SGCD: variants seen among roughly 807,000 people sequenced by gnomAD.
SGCD encodes delta-sarcoglycan.
Under a neutral mutation model 36.6 loss-of-function variants are expected in SGCD, and 18 were observed. That is an observed-to-expected ratio of 0.49 (90% confidence interval 0.34 to 0.73). The LOEUF (loss-of-function observed/expected upper bound fraction) is 0.73, where lower values mean the gene tolerates loss of function less well. Ranked by LOEUF, SGCD falls within the 30% of genes least tolerant of loss-of-function variation. The probability of loss-of-function intolerance (pLI) is 0.01; values close to 1 mark genes in which losing one functional copy is unlikely to be tolerated. For synonymous variants in SGCD, 133 were observed against 130.6 expected (o/e 1.02, Z -0.12); for missense variants, 387 against 346.7 (o/e 1.12, Z -0.92).
Position 156,589,227 on chromosome 5 carries a change from G to T in SGCD, c.295-4G>T, listed in dbSNP as rs1397739383. The T allele has an allele frequency of 1.3e-6, 2 of 1,540,382 alleles. No homozygotes were observed. The highest frequency in any genetic ancestry group is 1.4e-5 in the African/African-American group (1 of 73,322). ...CATGTCTTTCTCTTATTTTCTTATT[G>T]CAGGGTAATGCCCTGTACTTCAAGT... On this transcript the variant is annotated splice_polypyrimidine_tract_variant and splice_region_variant and intron_variant, in intron 4 of 8. Transcript: ENST00000337851.
the SGCD span, among the ~76,000 whole-genome samples, chr5:155,738,592 G>A: frequency 6.6e-6 from 1 of 152,154 alleles, no homozygotes; most frequent in Non-Finnish European, 1.5e-5. Context: ...TAATGATTAA[G>A]AAGCTAGATT....
intron 3 of SGCD, among the ~76,000 whole-genome samples, chr5:156,307,552 G>GCTT (rs1683684165): frequency 2.1e-5 from 1 of 48,444 alleles, no homozygotes; most frequent in Non-Finnish European, 3.7e-5. Flanking sequence ...CATTTTAACT[G>GCTT]TTGTTTTTTT....
intron 3 of SGCD, among the ~76,000 whole-genome samples, chr5:156,249,002 T>A (rs1561583785): frequency 6.6e-6 from 1 of 152,228 alleles, no homozygotes; most frequent in Non-Finnish European, 1.5e-5. Flanking sequence ...GAGACATTCA[T>A]TCTCTTTGAG....
chr5:155,742,353 A>C, the SGCD span, among the ~76,000 whole-genome samples: 4 of 152,158 alleles, frequency 2.6e-5, no homozygotes, highest in Non-Finnish European at 4.4e-5. Context: ...TTGATCAAGG[A>C]CCTTTTGTCC....
At position 156,506,366 on chromosome 5, in the gene SGCD, C is replaced by G. The variant is rs530821171; in HGVS notation, c.193-2235C>G. Among the ~76,000 whole-genome samples, 6 of 151,224 alleles carry G rather than the reference C, an allele frequency of 4.0e-5. No individual in the cohort carries two copies. The South Asian group carries it at 6.2e-4, about 16-fold the overall frequency. On this transcript the variant is annotated intron_variant, in intron 3 of 8. Coordinates refer to ENST00000337851, the MANE Select transcript of SGCD (RefSeq NM_000337.6). ...CTAAACACACACTCACACACACACACAGACACACACACACACACCCCTTAT... is the reference window on the plus strand; with the variant it reads ...CTAAACACACACTCACACACACACAGAGACACACACACACACACCCCTTAT...
chr5:156,029,817 T>A (rs1759303765), intron 1 of SGCD, among the ~76,000 whole-genome samples: 1 of 152,288 alleles, frequency 6.6e-6, no homozygotes, highest in South Asian at 2.1e-4. Flanking sequence ...TTTACCTAAT[T>A]TTTTAAAAAA....
At chr5:156,067,929 C>G (rs1170530132) in intron 1 of SGCD, among the ~76,000 whole-genome samples, 1 of 128,528 alleles carries the variant, frequency 7.8e-6, no homozygotes, top group Non-Finnish European at 1.5e-5. Context: ...AGCTGTAGAC[C>G]GGAGCTGTTC....
intron 4 of SGCD, among the ~76,000 whole-genome samples, chr5:156,543,674 C>A (rs1338800567): frequency 6.6e-6 from 1 of 152,210 alleles, no homozygotes; most frequent in African/African-American, 2.4e-5. Context: ...AAGTGCCAGA[C>A]ACAAAGTGCT....
At chr5:156,133,243 G>A (rs1561533284) in intron 3 of SGCD, among the ~76,000 whole-genome samples, 1 of 152,144 alleles carries the variant, frequency 6.6e-6, no homozygotes, top group Non-Finnish European at 1.5e-5. Context: ...CTCTAACATG[G>A]AATGTGAAGG....
chr5:156,240,781 T>C (rs999433365), intron 3 of SGCD, among the ~76,000 whole-genome samples: 5 of 152,260 alleles, frequency 3.3e-5, no homozygotes, highest in Non-Finnish European at 7.3e-5. Flanking sequence ...TCATATTTAT[T>C]GTATTTTACA....
At chr5:156,448,731 CTTTTTTTTT>C (rs1158844774) in intron 3 of SGCD, among the ~76,000 whole-genome samples, 43 of 76,048 alleles carry the variant, frequency 5.7e-4, no homozygotes, top group African/African-American at 9.2e-4. Context: ...TTTTCTTTTT[CTTTTTTTTT>C]TTTTTTTTTT....
chr5:156,639,797 G>A (rs182920992), intron 6 of SGCD, among the ~76,000 whole-genome samples: 1 of 150,590 alleles, frequency 6.6e-6, no homozygotes, highest in East Asian at 2.0e-4. Context: ...TGGCTTCTGT[G>A]TTACCCCATT....
intron 3 of SGCD, among the ~76,000 whole-genome samples, chr5:156,261,490 C>T (rs374698257): frequency 8.5e-5 from 13 of 152,136 alleles, no homozygotes; most frequent in South Asian, 4.1e-4. Flanking sequence ...GTCAGTGCAA[C>T]GTATTACTCA....
the SGCD span, among the ~76,000 whole-genome samples, chr5:155,772,964 A>T: frequency 6.6e-6 from 1 of 152,154 alleles, no homozygotes; most frequent in East Asian, 1.9e-4. Flanking sequence ...CTTACCCACC[A>T]GGAGGTTACC....
At chr5:156,544,790 C>A (rs936644082) in intron 4 of SGCD, among the ~76,000 whole-genome samples, 8 of 152,108 alleles carry the variant, frequency 5.3e-5, no homozygotes, top group Admixed American at 4.6e-4. Flanking sequence ...CTATTATTAT[C>A]ATTGACCATG....
chr5:155,787,319 C>A, the SGCD span, among the ~76,000 whole-genome samples: 16 of 152,126 alleles, frequency 1.1e-4, no homozygotes, highest in African/African-American at 3.9e-4. Flanking sequence ...TGCCTCCAAT[C>A]CGATAAAACT....
At chr5:156,019,460 C>G (rs547187687) in intron 1 of SGCD, among the ~76,000 whole-genome samples, 10 of 152,238 alleles carry the variant, frequency 6.6e-5, no homozygotes, top group African/African-American at 2.4e-4. Flanking sequence ...ATCTCCCTTC[C>G]TTTCATTTAG....
chr5:156,137,020 G>C (rs1344349865), intron 3 of SGCD, among the ~76,000 whole-genome samples: 2 of 152,210 alleles, frequency 1.3e-5, no homozygotes, highest in Non-Finnish European at 2.9e-5. Flanking sequence ...AGCAAAAGTT[G>C]AATGTTGGCC....
chr5:155,807,571 C>A, the SGCD span, among the ~76,000 whole-genome samples: 1 of 152,244 alleles, frequency 6.6e-6, no homozygotes, highest in Non-Finnish European at 1.5e-5. Context: ...TGATCCGTTA[C>A]TGGAGATAAG....
Sources: allele counts gnomAD v4.1 joint callset (sites outside exome capture counted in the v4.1 genomes callset), GRCh38; gene constraint gnomAD v4.1.1; transcripts MANE v1.5; gene names NCBI Gene and HGNC (gene_info 2026-07-23, HGNC 2026-07-21).